Variants in RYR2 observed in about 807,000 individuals in gnomAD.
RYR2 encodes cardiac muscle ryanodine receptor-calcium release channel.
Under a neutral mutation model 601.1 loss-of-function variants are expected in RYR2, and 227 were observed. That is an observed-to-expected ratio of 0.38 (90% CI 0.34 to 0.42). The LOEUF is 0.42. Among genes scored for constraint, RYR2 ranks in the 10% least tolerant of loss-of-function variants. The pLI, the probability that RYR2 is intolerant of heterozygous loss-of-function variation, is 1.00. For missense variants in RYR2, 4,646 were observed against 6,156.5 expected, an observed-to-expected ratio of 0.75 and a Z score of 8.21; for synonymous variants, 2,223 against 2,175.1, an observed-to-expected ratio of 1.02 and a Z score of -0.61.
At chr1:237,162,828 C>T (rs759695300) in intron 1 of RYR2, among the ~76,000 whole-genome samples, 6 of 152,058 alleles carry the variant, frequency 3.9e-5, no homozygotes, top group Non-Finnish European at 7.4e-5. Flanking sequence ...CTGCAAGGCT[C>T]ATCGTCTAAA....
In RYR2 at chr1:237,323,378, A is replaced by G. The variant is rs568248699; in HGVS notation, c.169-7500A>G. Among the ~76,000 whole-genome samples, 100 of 152,280 alleles carry G rather than the reference A, an allele frequency of 6.6e-4. No individual in the cohort carries two copies. The Middle Eastern group carries it at 0.01, about 16-fold the overall frequency. Reference sequence around the variant, plus strand: ...GTGGTTTGCTTGCAAAGTTCCAGGTAATTGTATGCACATCAACAATGGCTC... The same window carrying G: ...GTGGTTTGCTTGCAAAGTTCCAGGTGATTGTATGCACATCAACAATGGCTC... On this transcript the variant is annotated intron_variant, in intron 2 of 104. Coordinates refer to ENST00000366574, the MANE Select transcript of RYR2 (RefSeq NM_001035.3).
At chr1:237,742,441 C>A in intron 80 of RYR2, 92 bp downstream of exon 80, 1 of 891,702 alleles carries the variant, frequency 1.1e-6, no homozygotes, top group Non-Finnish European at 1.8e-6. Flanking sequence ...TGCTTCATGG[C>A]TTATTGCAGC....
intron 5 of RYR2, among the ~76,000 whole-genome samples, chr1:237,368,799 G>GTTTGTTTATTTA (rs372692446): frequency 2.3e-5 from 3 of 129,156 alleles, no homozygotes; most frequent in South Asian, 2.3e-4. Flanking sequence ...TTGAATCAAC[G>GTTTGTTTATTTA]TTTATTTATT....
At chr1:237,271,351 A>G (rs1689667992) in intron 2 of RYR2, among the ~76,000 whole-genome samples, 1 of 152,210 alleles carries the variant, frequency 6.6e-6, no homozygotes, top group Non-Finnish European at 1.5e-5. Context: ...CTAAAAGAGA[A>G]TGGTTCATAA....
chr1:237,061,261 T>G (rs920200391), intron 1 of RYR2, among the ~76,000 whole-genome samples: 3 of 92,064 alleles, frequency 3.3e-5, no homozygotes, highest in Admixed American at 1.1e-4. Context: ...ATCATCTATC[T>G]ATCTATCCAT....
chr1:237,588,614 C>G (rs1383014046), intron 29 of RYR2, among the ~76,000 whole-genome samples: 2 of 152,144 alleles, frequency 1.3e-5, no homozygotes, highest in African/African-American at 4.8e-5. Context: ...AGGCAGATCA[C>G]CTGAGGTCAG....
chr1:237,338,469 CA>C (rs1697450875), intron 3 of RYR2, among the ~76,000 whole-genome samples: 1 of 152,004 alleles, frequency 6.6e-6, no homozygotes, highest in Non-Finnish European at 1.5e-5. Flanking sequence ...TAACATTAAT[CA>C]AAAATAACTA....
intron 14 of RYR2, among the ~76,000 whole-genome samples, chr1:237,449,274 G>A (rs974564288): frequency 4.0e-5 from 6 of 151,852 alleles, no homozygotes; most frequent in Non-Finnish European, 7.4e-5. Context: ...GGTTACTTAC[G>A]GATTAAAGCT....
intron 74 of RYR2, among the ~76,000 whole-genome samples, chr1:237,723,986 A>T (rs1035142918): frequency 3.3e-5 from 5 of 151,886 alleles, no homozygotes; most frequent in African/African-American, 1.2e-4. Context: ...GAGATATATT[A>T]TCTATTTCTC....
At chr1:237,238,934 C>G (rs1472665551) in intron 1 of RYR2, among the ~76,000 whole-genome samples, 2 of 152,134 alleles carry the variant, frequency 1.3e-5, no homozygotes, top group Admixed American at 6.5e-5. Flanking sequence ...AATGATTGTT[C>G]TATACCAGTC....
intron 66 of RYR2, among the ~76,000 whole-genome samples, chr1:237,704,347 T>C (rs1296189198): frequency 1.3e-5 from 2 of 152,108 alleles, no homozygotes; most frequent in African/African-American, 4.8e-5. Context: ...TTTAAAATCA[T>C]CAACCATTTG....
chr1:237,609,588 C>T (rs554453792), intron 35 of RYR2, among the ~76,000 whole-genome samples: 119 of 152,078 alleles, frequency 7.8e-4, no homozygotes, highest in Non-Finnish European at 1.5e-3. Flanking sequence ...TGGTCTTGTA[C>T]TCCTGACCTC....
intron 27 of RYR2, among the ~76,000 whole-genome samples, chr1:237,556,375 C>T (rs1204134772): frequency 2.0e-5 from 3 of 151,392 alleles, no homozygotes; most frequent in Non-Finnish European, 4.4e-5. Context: ...TCTCAGTTCA[C>T]TGCAACCTCT....
chr1:237,599,198 T>C (rs1347853705), intron 34 of RYR2, among the ~76,000 whole-genome samples: 5 of 152,160 alleles, frequency 3.3e-5, no homozygotes, highest in Non-Finnish European at 7.3e-5. Flanking sequence ...AAGCTTTTTT[T>C]TCTAAGGTCT....
chr1:237,426,057 TTCATATATA>T (rs2150072056), intron 12 of RYR2, among the ~76,000 whole-genome samples: 1 of 151,444 alleles, frequency 6.6e-6, no homozygotes, highest in South Asian at 2.1e-4. Context: ...TATACATATA[TTCATATATA>T]TATATTATTA....
At chr1:237,108,574 T>C (rs1482001555) in intron 1 of RYR2, among the ~76,000 whole-genome samples, 1 of 152,194 alleles carries the variant, frequency 6.6e-6, no homozygotes, top group Non-Finnish European at 1.5e-5. Flanking sequence ...AGCTCTGGGA[T>C]TCTCTTAAAT....
At chr1:237,630,023 G>T (rs576558378) in intron 41 of RYR2, among the ~76,000 whole-genome samples, 1 of 152,190 alleles carries the variant, frequency 6.6e-6, no homozygotes, top group South Asian at 2.1e-4. Context: ...ACCCGAGGAA[G>T]CCTCTCATAA....
intron 36 of RYR2, among the ~76,000 whole-genome samples, chr1:237,612,948 A>C (rs1278421006): frequency 6.6e-6 from 1 of 152,242 alleles, no homozygotes; most frequent in Non-Finnish European, 1.5e-5. Context: ...TGTCACTGGC[A>C]TCAGGCCATA....
At chr1:237,429,584 A>G (rs542626548) in intron 12 of RYR2, among the ~76,000 whole-genome samples, 1 of 152,278 alleles carries the variant, frequency 6.6e-6, no homozygotes, top group South Asian at 2.1e-4. Flanking sequence ...CCTTTCCTGC[A>G]GAAAGCTGAA....
Sources: allele counts gnomAD v4.1 joint callset (sites outside exome capture counted in the v4.1 genomes callset), GRCh38; gene constraint gnomAD v4.1.1; transcripts MANE v1.5; gene names NCBI Gene and HGNC (gene_info 2026-07-23, HGNC 2026-07-21).